The following CFAP299 variants were observed in gnomAD, a reference collection of about 807,000 sequenced individuals.
CFAP299 encodes cilia and flagella associated protein 299, also known as cilia- and flagella-associated protein 299.
A neutral mutation model predicts 27.0 loss-of-function variants in CFAP299; 21 were observed. The ratio of observed to expected loss-of-function variants is 0.78; its 90% confidence interval spans 0.55 to 1.12. The LOEUF (loss-of-function observed/expected upper bound fraction) is 1.12. Ranked by LOEUF, CFAP299 falls within the 50% of genes most tolerant of loss-of-function variation. The pLI, the probability that CFAP299 is intolerant of heterozygous loss-of-function variation, is 0.00. For missense variants in CFAP299, 310 were observed against 276.6 expected (o/e 1.12, Z -0.86); for synonymous variants, 104 against 98.1 (o/e 1.06, Z -0.36).
intron 4 of CFAP299, among the ~76,000 whole-genome samples, chr4:80,921,846 A>G (rs1246581763): frequency 1.3e-5 from 2 of 151,970 alleles, no homozygotes; most frequent in Non-Finnish European, 2.9e-5. Context: ...TATGAGAAAT[A>G]TTTATGGAGG....
chr4:80,506,558 A>C (rs988757498), intron 2 of CFAP299, among the ~76,000 whole-genome samples: 3 of 152,166 alleles, frequency 2.0e-5, no homozygotes, highest in African/African-American at 7.2e-5. Context: ...AATAAACTTT[A>C]ATTTTTCTGT....
chr4:80,591,285 G>C (rs931999255), intron 3 of CFAP299, among the ~76,000 whole-genome samples: 1 of 150,454 alleles, frequency 6.6e-6, no homozygotes, highest in Non-Finnish European at 1.5e-5. Context: ...CACTACGCCC[G>C]GCTAATTTTT....
At chr4:80,763,852 G>A (rs1255272317) in intron 3 of CFAP299, among the ~76,000 whole-genome samples, 1 of 152,104 alleles carries the variant, frequency 6.6e-6, no homozygotes, top group Non-Finnish European at 1.5e-5. Flanking sequence ...ACAAGCAGTG[G>A]GGAAAGGATT....
intron 2 of CFAP299, among the ~76,000 whole-genome samples, chr4:80,380,003 C>T (rs993780894): frequency 2.6e-5 from 4 of 152,036 alleles, no homozygotes; most frequent in South Asian, 2.1e-4. Flanking sequence ...AGATGAATGT[C>T]GTTATGTCCA....
chr4:80,919,272 G>C (rs1206313730), intron 4 of CFAP299, among the ~76,000 whole-genome samples: 1 of 152,074 alleles, frequency 6.6e-6, no homozygotes, highest in African/African-American at 2.4e-5. Flanking sequence ...ATAATACAAT[G>C]TATTATGTCA....
At position 80,799,683 on chromosome 4, in the gene CFAP299, A is replaced by AT. The variant is rs1313305792; in HGVS notation, c.334-70310_334-70309insT. 2.3e-4 allele frequency among the ~76,000 whole-genome samples: 2 copies of AT among 8,696 alleles called. 1 individual carries two copies. The highest frequency in any genetic ancestry group is 8.0e-4 in the Non-Finnish European group (2 of 2,504). 5.7% of individuals were successfully genotyped at this position (8,696 alleles called of 152,430 possible). On this transcript the variant is annotated intron_variant, in intron 3 of 5. Coordinates refer to ENST00000358105, the MANE Select transcript of CFAP299 (RefSeq NM_152770.3). The stretch of plus-strand genomic sequence containing the variant: ...TTATATTTTATAAATATATATTTAT[A>AT]AATATATAATATATAAAATATATAT...
At chr4:80,337,194 CAA>C (rs1233355491) in intron 1 of CFAP299, among the ~76,000 whole-genome samples, 1 of 151,948 alleles carries the variant, frequency 6.6e-6, no homozygotes, top group Non-Finnish European at 1.5e-5. Flanking sequence ...TTTAAATAAA[CAA>C]AAAATGAAAT....
chr4:80,448,419 T>C (rs1320929859), intron 2 of CFAP299, among the ~76,000 whole-genome samples: 4 of 152,216 alleles, frequency 2.6e-5, no homozygotes, highest in African/African-American at 9.6e-5. Context: ...TATGGTTATT[T>C]GAGTCTATCT....
chr4:80,388,292 G>A (rs571761393), intron 2 of CFAP299: 254 of 694,376 alleles, frequency 3.7e-4, no homozygotes, highest in Non-Finnish European at 5.7e-4. Flanking sequence ...TGAAATGGCA[G>A]ACATGAGCAA....
Position 80,879,050 on chromosome 4 carries a change from T to C in CFAP299, c.476+8915T>C, listed in dbSNP as rs139646427. 5.9e-5 allele frequency among the ~76,000 whole-genome samples: 9 copies of C among 152,268 alleles called. No individual in the cohort carries two copies. In the East Asian group the frequency reaches 1.5e-3, roughly 26 times the overall value. ...CTTATGATGACTGTATCATTTGGGT[T>C]AATAAAAGAAATAAGGATGCACCAT... On this transcript the variant is annotated intron_variant, in intron 4 of 5. Transcript: ENST00000358105.
intron 2 of CFAP299, among the ~76,000 whole-genome samples, chr4:80,426,768 C>T (rs762891404): frequency 4.6e-5 from 7 of 152,220 alleles, no homozygotes; most frequent in Admixed American, 4.6e-4. Context: ...TTCACCACTT[C>T]TTAACAAGGT....
rs13148923 is a variant in CFAP299, at chr4:80,687,870, A to C, written c.333+104687A>C. ...CCGAAGCAGGGCGAGGCATTGCCTCACTGGGGAAGCACAGGGGGGTCAGGG... is the reference window on the plus strand; with the variant it reads ...CCGAAGCAGGGCGAGGCATTGCCTCCCTGGGGAAGCACAGGGGGGTCAGGG... On this transcript the variant is annotated intron_variant, in intron 3 of 5. Transcript: ENST00000358105. 1.8e-3 allele frequency among the ~76,000 whole-genome samples: 280 copies of C among 152,174 alleles called. 1 individual carries two copies. The highest frequency in any genetic ancestry group is 6.6e-3 in the African/African-American group (275 of 41,520).
At chr4:80,501,509 T>A (rs1449309792) in intron 2 of CFAP299, among the ~76,000 whole-genome samples, 1 of 147,666 alleles carries the variant, frequency 6.8e-6, no homozygotes, top group Non-Finnish European at 1.5e-5. Flanking sequence ...TATAAATATA[T>A]GTACATATAA....
chr4:80,366,104 A>G (rs546095014), intron 2 of CFAP299, among the ~76,000 whole-genome samples: 16 of 152,300 alleles, frequency 1.1e-4, no homozygotes, highest in African/African-American at 3.8e-4. Flanking sequence ...TGTTGACAGC[A>G]GGGCCAGCAG....
intron 3 of CFAP299, among the ~76,000 whole-genome samples, chr4:80,593,987 T>C (rs975736061): frequency 7.2e-5 from 11 of 152,152 alleles, no homozygotes; most frequent in African/African-American, 2.7e-4. Flanking sequence ...ATATTTGGGA[T>C]TTTCTAGCTT....
chr4:80,865,085 G>A (rs1732644244), intron 3 of CFAP299, among the ~76,000 whole-genome samples: 1 of 151,976 alleles, frequency 6.6e-6, no homozygotes, highest in Non-Finnish European at 1.5e-5. Context: ...ACATATCCTT[G>A]GGAGTTACCA....
intron 2 of CFAP299, among the ~76,000 whole-genome samples, chr4:80,500,154 G>T (rs1259637237): frequency 2.0e-5 from 3 of 152,054 alleles, no homozygotes; most frequent in Admixed American, 2.0e-4. Context: ...GTGACTTCTA[G>T]TTAATCAATC....
chr4:80,811,659 G>T (rs1333203229), intron 3 of CFAP299, among the ~76,000 whole-genome samples: 2 of 152,144 alleles, frequency 1.3e-5, no homozygotes, highest in African/African-American at 4.8e-5. Flanking sequence ...AGTTGTATCT[G>T]CTTTGTGTTC....
intron 3 of CFAP299, among the ~76,000 whole-genome samples, chr4:80,770,207 C>T (rs918713673): frequency 2.0e-5 from 3 of 152,040 alleles, no homozygotes; most frequent in Admixed American, 6.6e-5. Flanking sequence ...GATTTTTGCT[C>T]GATTAGACAA....
Sources: gnomAD v4.1 joint callset for allele counts (sites outside exome capture counted in the v4.1 genomes callset) on GRCh38, gnomAD v4.1.1 for gene constraint, MANE v1.5 for transcripts, NCBI Gene and HGNC (gene_info 2026-07-23, HGNC 2026-07-21) for gene names.